Variants in CTNNA3 observed in about 807,000 individuals in gnomAD.
CTNNA3 encodes the protein catenin alpha-3.
A neutral mutation model predicts 95.7 loss-of-function variants in CTNNA3; 76 were observed. That is an observed-to-expected ratio of 0.79 (90% CI 0.66 to 0.96). The LOEUF is 0.96. Ranked by LOEUF, CTNNA3 falls within the 40% of genes least tolerant of loss-of-function variation. The pLI, the probability that CTNNA3 is intolerant of heterozygous loss-of-function variation, is 0.00. For synonymous variants in CTNNA3, 431 were observed against 374.4 expected (o/e 1.15, Z -1.74); for missense variants, 1,191 against 1,089.8 (o/e 1.09, Z -1.31).
At chr10:67,621,703 C>G (rs868698657) in intron 2 of CTNNA3, among the ~76,000 whole-genome samples, 1 of 149,544 alleles carries the variant, frequency 6.7e-6, no homozygotes, top group Non-Finnish European at 1.5e-5. Context: ...GAGCCAAGAT[C>G]GAGCCACTGC....
intron 7 of CTNNA3, among the ~76,000 whole-genome samples, chr10:66,977,643 T>C (rs934318681): frequency 6.6e-6 from 1 of 152,204 alleles, no homozygotes; most frequent in Non-Finnish European, 1.5e-5. Context: ...AATTTGTAGA[T>C]GTAAGCTGGG....
chr10:67,068,640 T>A (rs777233403), intron 7 of CTNNA3, among the ~76,000 whole-genome samples: 3 of 152,114 alleles, frequency 2.0e-5, no homozygotes, highest in Non-Finnish European at 2.9e-5. Context: ...GAGAGTGACA[T>A]CAGAAAAGCT....
At chr10:66,566,185 T>A (rs765252040) in intron 10 of CTNNA3, among the ~76,000 whole-genome samples, 1 of 152,252 alleles carries the variant, frequency 6.6e-6, no homozygotes, top group Middle Eastern at 3.4e-3. Flanking sequence ...AATGAATGTT[T>A]CAGTATTCTC....
At chr10:66,335,790 T>A (rs532503232) in intron 12 of CTNNA3, among the ~76,000 whole-genome samples, 7 of 152,230 alleles carry the variant, frequency 4.6e-5, no homozygotes, top group African/African-American at 1.7e-4. Context: ...TGCAGAGGTT[T>A]CTGCTGCCTT....
At chr10:66,550,597 G>C (rs1203867357) in intron 10 of CTNNA3, among the ~76,000 whole-genome samples, 1 of 152,144 alleles carries the variant, frequency 6.6e-6, no homozygotes, top group Non-Finnish European at 1.5e-5. Flanking sequence ...CCCTCTAAGA[G>C]AAAGTTTGCC....
At chr10:66,266,042 A>G (rs113455363) in intron 13 of CTNNA3, among the ~76,000 whole-genome samples, 2 of 127,620 alleles carry the variant, frequency 1.6e-5, no homozygotes, top group African/African-American at 4.6e-5. Flanking sequence ...AAGGAGGGAG[A>G]GAGGGAGGGA....
chr10:66,339,859 T>G (rs1354684270), intron 12 of CTNNA3, among the ~76,000 whole-genome samples: 1 of 151,878 alleles, frequency 6.6e-6, no homozygotes, highest in Non-Finnish European at 1.5e-5. Flanking sequence ...TTGAATTCTT[T>G]ATTGTCAGAT....
chr10:67,258,761 A>T (rs1191027747), intron 5 of CTNNA3, among the ~76,000 whole-genome samples: 2 of 152,142 alleles, frequency 1.3e-5, no homozygotes, highest in Non-Finnish European at 2.9e-5. Context: ...TAATTTAAAT[A>T]TGCTATTTTT....
chr10:66,122,425 T>C (rs1449030731), intron 13 of CTNNA3, among the ~76,000 whole-genome samples: 1 of 152,096 alleles, frequency 6.6e-6, no homozygotes, highest in East Asian at 1.9e-4. Context: ...AAAGAAACAT[T>C]GAAATGATAA....
intron 12 of CTNNA3, among the ~76,000 whole-genome samples, chr10:66,284,743 A>C (rs2091556106): frequency 6.6e-6 from 1 of 151,932 alleles, no homozygotes; most frequent in African/African-American, 2.4e-5. Flanking sequence ...GCCCAGATTA[A>C]AATATTTCTA....
Position 66,722,400 on chromosome 10 carries a change from C to T in CTNNA3, c.1281+43864G>A, listed in dbSNP as rs1425260076. Among the ~76,000 whole-genome samples the T allele has an allele frequency of 4.0e-5, 6 of 151,026 alleles. No homozygotes were observed. In the East Asian group the frequency reaches 9.8e-4, roughly 25 times the overall value. On this transcript the variant is annotated intron_variant, in intron 9 of 17. Transcript: ENST00000433211. ...CTCAAAAAAAAAAAAAAATGCTAAA[C>T]TGTGGTTGATGTTTTCATAAACAGA...
At chr10:66,473,663 G>T (rs1252359002) in intron 11 of CTNNA3, among the ~76,000 whole-genome samples, 1 of 151,716 alleles carries the variant, frequency 6.6e-6, no homozygotes, top group Non-Finnish European at 1.5e-5. Context: ...TATCCCTCCT[G>T]CCTCCCCCCA....
intron 5 of CTNNA3, among the ~76,000 whole-genome samples, chr10:67,390,934 C>T (rs1272379216): frequency 5.3e-5 from 8 of 151,892 alleles, no homozygotes; most frequent in Non-Finnish European, 1.0e-4. Flanking sequence ...CTATGACAAA[C>T]CCACAGCCAA....
intron 11 of CTNNA3, among the ~76,000 whole-genome samples, chr10:66,398,865 T>G (rs1437348796): frequency 6.6e-6 from 1 of 151,990 alleles, no homozygotes; most frequent in African/African-American, 2.4e-5. Context: ...ACAAATTCAG[T>G]GTTATTATCT....
intron 13 of CTNNA3, among the ~76,000 whole-genome samples, chr10:66,270,460 C>A (rs10997023): frequency 1.3e-5 from 2 of 151,934 alleles, no homozygotes; most frequent in Non-Finnish European, 2.9e-5. Flanking sequence ...CCTGCCTCAG[C>A]CTTCCAAAGT....
At chr10:66,708,225 CAA>C (rs386371664) in intron 9 of CTNNA3, among the ~76,000 whole-genome samples, 1 of 124,328 alleles carries the variant, frequency 8.0e-6, no homozygotes, top group Admixed American at 8.1e-5. Flanking sequence ...CCAATGCTGC[CAA>C]AAAAAAAAAA....
chr10:67,520,242 CTCA>C (rs1839942394), intron 5 of CTNNA3, among the ~76,000 whole-genome samples: 1 of 152,090 alleles, frequency 6.6e-6, no homozygotes, highest in Admixed American at 6.6e-5. Context: ...ACTCCATGTG[CTCA>C]TCTTTTCTTT....
intron 11 of CTNNA3, among the ~76,000 whole-genome samples, chr10:66,441,128 T>C (rs1023965542): frequency 6.6e-6 from 1 of 152,008 alleles, no homozygotes; most frequent in Non-Finnish European, 1.5e-5. Context: ...AGGCCAGGAG[T>C]TTGAGACCAG....
intron 3 of CTNNA3, among the ~76,000 whole-genome samples, chr10:67,596,808 A>G (rs1842943939): frequency 6.6e-6 from 1 of 152,114 alleles, no homozygotes; most frequent in Non-Finnish European, 1.5e-5. Flanking sequence ...CTGAATGTCA[A>G]CCTCTTTACA....
Sources: gnomAD v4.1 joint callset for allele counts (sites outside exome capture counted in the v4.1 genomes callset) on GRCh38, gnomAD v4.1.1 for gene constraint, MANE v1.5 for transcripts, NCBI Gene and HGNC (gene_info 2026-07-23, HGNC 2026-07-21) for gene names.